TET3: variants seen among roughly 807,000 people sequenced by gnomAD.
The protein encoded by TET3 is tet methylcytosine dioxygenase 3.
Under a neutral mutation model 141.4 loss-of-function variants are expected in TET3, and 19 were observed. That is an observed-to-expected ratio of 0.13 (90% CI 0.09 to 0.20). The LOEUF is 0.20. TET3 is among the 10% of genes least tolerant of loss of function. TET3 has a pLI of 1.00. For synonymous variants in TET3, 1,043 were observed against 980.9 expected (o/e 1.06, Z -1.18); for missense variants, 1,874 against 2,356.9 (o/e 0.80, Z 4.24).
At chr2:74,009,598 T>C (rs887287599) in intron 3 of TET3, among the ~76,000 whole-genome samples, 2 of 152,228 alleles carry the variant, frequency 1.3e-5, no homozygotes, top group Non-Finnish European at 2.9e-5. Context: ...GTCCACCATA[T>C]TTTTCCTAGC....
rs938754880 is a variant in TET3, at chr2:73,990,318, T to A, written c.303+3612T>A. Among the ~76,000 whole-genome samples the A allele has an allele frequency of 6.6e-5, 10 of 152,114 alleles. 1 individual carries two copies. Among genetic ancestry groups the A allele is most frequent in the Non-Finnish European group, 1.3e-4 (9 of 68,014 alleles). On this transcript the variant is annotated intron_variant, in intron 2 of 11. Coordinates refer to ENST00000409262, the MANE Select transcript of TET3 (RefSeq NM_001287491.2). ...CGCCTGAGCCCACAGTGGGCAATAT[T>A]TGAGCCACTGCACTCCAGCCTGCAT...
intron 4 of TET3, among the ~76,000 whole-genome samples, chr2:74,052,786 C>G (rs989709314): frequency 6.6e-6 from 1 of 152,168 alleles, no homozygotes; most frequent in South Asian, 2.1e-4. Context: ...AGAAGAATCA[C>G]TTGAACCTGG....
At chr2:74,025,526 A>G (rs960877212) in intron 3 of TET3, among the ~76,000 whole-genome samples, 2 of 151,980 alleles carry the variant, frequency 1.3e-5, no homozygotes, top group African/African-American at 4.8e-5. Context: ...TGATGTCGTG[A>G]TCCGCTGCTG....
At chr2:74,080,102 C>T (rs72907187) in intron 5 of TET3, among the ~76,000 whole-genome samples, 3,869 of 152,298 alleles carry the variant, frequency 0.025, 177 homozygotes, top group African/African-American at 0.089. Context: ...CCATTTATTT[C>T]ATTTGTTATA....
rs749961426 is a variant in TET3, at chr2:74,047,697, A to G, written c.1780A>G (p.Lys594Glu). The G allele has an allele frequency of 1.9e-5, 31 of 1,613,328 alleles. No individual in the cohort carries two copies. Among genetic ancestry groups the G allele is most frequent in the Non-Finnish European group, 2.6e-5 (31 of 1,179,682 alleles). ...TPAGGPVGTE[K>E]AAPGIKPSVR... Reference sequence around the variant, plus strand: ...AGCTGGAGGTCCCGTGGGAACGGAGAAAGCTGCCCCTGGGATCAAGCCCAG... The same window carrying G: ...AGCTGGAGGTCCCGTGGGAACGGAGGAAGCTGCCCCTGGGATCAAGCCCAG... Residue 594 changes from lysine to glutamate, a missense_variant, in exon 4 of 12, where the codon AAA becomes GAA. Transcript: ENST00000409262.
chr2:73,986,841 A>G, intron 2 of TET3, 135 bp downstream of exon 2: 1 of 827,176 alleles, frequency 1.2e-6, no homozygotes, highest in Non-Finnish European at 1.6e-6. Context: ...TTTAAGTAGG[A>G]GTGTAACTGA....
At chr2:74,092,592 T>C (rs534437403) in intron 8 of TET3, among the ~76,000 whole-genome samples, 66 of 152,248 alleles carry the variant, frequency 4.3e-4, no homozygotes, top group African/African-American at 1.6e-3. Flanking sequence ...TGTTCAGCAC[T>C]CGAAAGCAAG....
At chr2:74,031,855 G>A (rs538516842) in intron 3 of TET3, among the ~76,000 whole-genome samples, 1 of 152,288 alleles carries the variant, frequency 6.6e-6, no homozygotes, top group South Asian at 2.1e-4. Flanking sequence ...AATATTTATT[G>A]AGGCACATGT....
intron 3 of TET3, among the ~76,000 whole-genome samples, chr2:74,011,227 C>CAAAAAA (rs34155044): frequency 7.4e-5 from 7 of 94,386 alleles, no homozygotes; most frequent in Non-Finnish European, 1.3e-4. Context: ...GACTCCGTTT[C>CAAAAAA]AAAAAAAAAA....
the TET3 span, among the ~76,000 whole-genome samples, chr2:74,123,607 C>T: frequency 6.6e-6 from 1 of 152,214 alleles, no homozygotes; most frequent in Non-Finnish European, 1.5e-5. Flanking sequence ...CGGCTCGCTA[C>T]AACCTCCACC....
chr2:74,032,835 C>T (rs1260679576), intron 3 of TET3, among the ~76,000 whole-genome samples: 2 of 152,168 alleles, frequency 1.3e-5, no homozygotes, highest in Non-Finnish European at 2.9e-5. Context: ...GATAACTTTG[C>T]ATAGGTTAGA....
At chr2:74,062,168 C>T (rs930745043) in intron 4 of TET3, among the ~76,000 whole-genome samples, 2 of 152,198 alleles carry the variant, frequency 1.3e-5, no homozygotes, top group East Asian at 1.9e-4. Flanking sequence ...TCTGCAATCC[C>T]GGCACCTCGG....
chr2:74,072,154 A>G (rs1396415042), intron 4 of TET3, among the ~76,000 whole-genome samples: 1 of 152,156 alleles, frequency 6.6e-6, no homozygotes, highest in Non-Finnish European at 1.5e-5. Context: ...AGATTTACCT[A>G]TTCTGAGTAT....
intron 3 of TET3, among the ~76,000 whole-genome samples, chr2:74,044,572 A>T (rs1687514536): frequency 6.6e-6 from 1 of 152,226 alleles, no homozygotes; most frequent in South Asian, 2.1e-4. Flanking sequence ...GAAAGCCCTA[A>T]CAGCATGGAA....
chr2:74,077,281 G>C (rs1322378161), intron 5 of TET3, among the ~76,000 whole-genome samples: 1 of 152,162 alleles, frequency 6.6e-6, no homozygotes, highest in African/African-American at 2.4e-5. Context: ...CAGATGACTG[G>C]GCCCCACCTG....
At chr2:74,080,919 T>A (rs1200701628) in intron 6 of TET3, among the ~76,000 whole-genome samples, 1 of 151,608 alleles carries the variant, frequency 6.6e-6, no homozygotes, top group Non-Finnish European at 1.5e-5. Flanking sequence ...GCCGGAGGGG[T>A]AGGAAGGGAA....
chr2:73,997,490 G>A (rs976105649), intron 2 of TET3, among the ~76,000 whole-genome samples: 1 of 152,184 alleles, frequency 6.6e-6, no homozygotes, highest in African/African-American at 2.4e-5. Context: ...GCAGGATGGG[G>A]TGAGGTGCAG....
intron 4 of TET3, among the ~76,000 whole-genome samples, chr2:74,050,599 G>T (rs1418485887): frequency 2.6e-5 from 4 of 152,094 alleles, no homozygotes; most frequent in Admixed American, 2.6e-4. Context: ...GCGGGGGCTG[G>T]AATGCAGTGG....
At chr2:74,022,772 T>G (rs982888490) in intron 3 of TET3, among the ~76,000 whole-genome samples, 1 of 152,046 alleles carries the variant, frequency 6.6e-6, no homozygotes, top group Non-Finnish European at 1.5e-5. Context: ...GAGAGTCTGC[T>G]TTTTATTTTT....
Sources: gnomAD v4.1 joint callset for allele counts (sites outside exome capture counted in the v4.1 genomes callset) on GRCh38, gnomAD v4.1.1 for gene constraint, MANE v1.5 for transcripts, NCBI Gene and HGNC (gene_info 2026-07-23, HGNC 2026-07-21) for gene names.